The following DNM2 variants were observed in gnomAD, a reference collection of about 807,000 sequenced individuals.
DNM2 encodes the protein dynamin-2.
In DNM2, 15 loss-of-function variants were observed where a neutral mutation model predicts 99.0. The ratio of observed to expected loss-of-function variants is 0.15; its 90% confidence interval spans 0.10 to 0.23. The LOEUF (loss-of-function observed/expected upper bound fraction) is 0.23. DNM2 is among the 10% of genes least tolerant of loss of function. The pLI, the probability that DNM2 is intolerant of heterozygous loss-of-function variation, is 1.00. For missense variants in DNM2, 742 were observed against 1,189.4 expected (o/e 0.62, Z 5.53); for synonymous variants, 525 against 481.2 (o/e 1.09, Z -1.19).
At chr19:10,828,602 CAAAA>C (rs975091540) in intron 18 of DNM2, among the ~76,000 whole-genome samples, 3 of 147,152 alleles carry the variant, frequency 2.0e-5, no homozygotes, top group Non-Finnish European at 3.0e-5. Flanking sequence ...AAAGCAAAAA[CAAAA>C]AAGATATAAC....
At chr19:10,751,403 C>A (rs2070188691) in intron 1 of DNM2, among the ~76,000 whole-genome samples, 1 of 152,084 alleles carries the variant, frequency 6.6e-6, no homozygotes, top group Admixed American at 6.6e-5. Context: ...CGGATGGGAT[C>A]AACGAGGAGG....
rs568469843 is a variant in DNM2 at position 10,785,244 on chromosome 19, A to G, written c.850-1320A>G. Among the ~76,000 whole-genome samples the G allele has an allele frequency of 2.2e-3, 335 of 151,424 alleles. 3 individuals carry two copies. Among genetic ancestry groups the G allele is most frequent in the Middle Eastern group, 6.8e-3 (2 of 292 alleles). Reference sequence around the variant, plus strand: ...ACCATTCTCCTGCCTCAGCCTCCCGAGTAGCTGGGACTATAGGCACCCATC... The same window carrying G: ...ACCATTCTCCTGCCTCAGCCTCCCGGGTAGCTGGGACTATAGGCACCCATC... On this transcript the variant is annotated intron_variant, in intron 6 of 20. Coordinates refer to ENST00000389253, the MANE Select transcript of DNM2 (RefSeq NM_001005361.3).
chr19:10,775,615 A>C lies in DNM2; in HGVS notation c.386-88A>C, dbSNP rs985087814. The C allele has an allele frequency of 4.1e-6, 6 of 1,466,788 alleles. No individual in the cohort carries two copies. The highest frequency in any genetic ancestry group is 3.4e-5 in the South Asian group (3 of 87,580). The allele number at this position is 1,466,788 out of a possible 1,614,324, so 90.9% of individuals were successfully genotyped here. On this transcript the variant is annotated intron_variant, in intron 3 of 20. Transcript: ENST00000389253. The surrounding 1 kb of genome is among the most constrained non-coding windows in gnomAD (Gnocchi z 4.3). ...CCTCAAGTCTGAGCCCCGCGCAGGAACTTTGGTAGTCAGCTGGGTGGCTGC... is the reference window on the plus strand; with the variant it reads ...CCTCAAGTCTGAGCCCCGCGCAGGACCTTTGGTAGTCAGCTGGGTGGCTGC...
At chr19:10,823,962 C>A in intron 17 of DNM2, 63 bp downstream of exon 17, 1 of 1,543,344 alleles carries the variant, frequency 6.5e-7, no homozygotes, top group Non-Finnish European at 8.9e-7. Flanking sequence ...GCAGGGCTGG[C>A]TTTCCCCAGG....
chr19:10,750,759 C>T (rs780976633), intron 1 of DNM2, among the ~76,000 whole-genome samples: 1 of 151,996 alleles, frequency 6.6e-6, no homozygotes. Flanking sequence ...GGCAAAACCC[C>T]ATCTCTACTA....
chr19:10,732,322 G>A lies in DNM2; in HGVS notation c.161+13919G>A, dbSNP rs531949359. Among the ~76,000 whole-genome samples, 941 of 147,842 alleles carry A rather than the reference G, an allele frequency of 6.4e-3. 4 individuals carry two copies. Among genetic ancestry groups the A allele is most frequent in the Non-Finnish European group, 0.01 (669 of 66,672 alleles). On this transcript the variant is annotated intron_variant, in intron 1 of 20. Transcript: ENST00000389253. ...GAGAAAAAAAAAAAAAAAAAAACAGGCCGGGCGGTGGCTCATGCCTGTAAT... is the reference window on the plus strand; with the variant it reads ...GAGAAAAAAAAAAAAAAAAAAACAGACCGGGCGGTGGCTCATGCCTGTAAT...
intron 1 of DNM2, among the ~76,000 whole-genome samples, chr19:10,746,935 C>T (rs2070008235): frequency 6.6e-6 from 1 of 151,814 alleles, no homozygotes; most frequent in South Asian, 2.1e-4. Context: ...CGGAGTTTCT[C>T]CATGTTGGCC....
chr19:10,829,032 G>A lies in DNM2; in HGVS notation c.2059-4G>A, dbSNP rs755212019. 8.1e-6 allele frequency: 13 copies of A among 1,611,776 alleles called. No homozygotes were observed. Among genetic ancestry groups the A allele is most frequent in the Admixed American group, 3.3e-5 (2 of 59,850 alleles). On this transcript the variant is annotated splice_region_variant and splice_polypyrimidine_tract_variant and intron_variant, in intron 18 of 20. Transcript: ENST00000389253. ...GCCTGACCCTCCCCAACCCCTGCCC[G>A]CAGACGAAGGCCTTCATCCACCACG...
At chr19:10,747,356 G>C (rs2070026234) in intron 1 of DNM2, among the ~76,000 whole-genome samples, 2 of 152,218 alleles carry the variant, frequency 1.3e-5, no homozygotes. Context: ...ATTCCAGCCA[G>C]GGCCTGGAGA....
intron 12 of DNM2, among the ~76,000 whole-genome samples, chr19:10,805,497 T>A (rs945650793): frequency 1.1e-4 from 17 of 152,260 alleles, no homozygotes; most frequent in African/African-American, 3.8e-4. Flanking sequence ...TAGCTGAGCA[T>A]GGTGGTATGC....
At chr19:10,829,637 G>A (rs1373854413) in intron 19 of DNM2, among the ~76,000 whole-genome samples, 3 of 152,212 alleles carry the variant, frequency 2.0e-5, no homozygotes, top group Admixed American at 1.3e-4. Flanking sequence ...AGGGGCAAAC[G>A]CAAGGCGTGG....
At chr19:10,825,692 G>A (rs545937844) in intron 18 of DNM2, among the ~76,000 whole-genome samples, 60 of 148,132 alleles carry the variant, frequency 4.1e-4, no homozygotes, top group Non-Finnish European at 6.0e-4. Flanking sequence ...GAGAGAGAGA[G>A]AAAAATACAA....
intron 1 of DNM2, among the ~76,000 whole-genome samples, chr19:10,758,451 C>CTCCT: frequency 3.1e-5 from 2 of 64,300 alleles, no homozygotes; most frequent in African/African-American, 6.8e-5. Flanking sequence ...CCTTCCTTCC[C>CTCCT]TCCCTCCTTC....
At chr19:10,782,377 T>TCTCTTTTTTTTA (rs59660300) in intron 5 of DNM2, among the ~76,000 whole-genome samples, 3 of 151,554 alleles carry the variant, frequency 2.0e-5, no homozygotes, top group East Asian at 1.9e-4. Flanking sequence ...TCTTTCTTTT[T>TCTCTTTTTTTTA]ATTCAGAGTC....
chr19:10,809,213 A>T (rs1457453431), intron 14 of DNM2: 1 of 152,220 alleles, frequency 6.6e-6, no homozygotes, highest in Non-Finnish European at 1.5e-5. Flanking sequence ...TCCCTATATG[A>T]TACCCTCTTC....
At chr19:10,825,466 C>T (rs1005628951) in intron 18 of DNM2, among the ~76,000 whole-genome samples, 3 of 152,122 alleles carry the variant, frequency 2.0e-5, no homozygotes, top group Admixed American at 6.6e-5. Flanking sequence ...CTAAGGAGTT[C>T]GAGACTAGAC....
At position 10,831,118 on chromosome 19, in the gene DNM2, C is replaced by T; in HGVS notation, c.*71C>T. On this transcript the variant is annotated 3_prime_UTR_variant, in exon 21 of 21. Transcript: ENST00000389253. This position sits in a 1 kb window ranked among gnomAD's most constrained non-coding sequence, Gnocchi z 4.3. ...CGCAGGAGCTTCAGTGGTCTGGGGC[C>T]CTCCGCCGCCCCTATGCTGGGACCA... is the stretch of plus-strand genomic sequence containing the variant. 3 of 1,512,312 alleles carry T rather than the reference C, an allele frequency of 2.0e-6. No individual in the cohort carries two copies. Among genetic ancestry groups the T allele is most frequent in the Non-Finnish European group, 2.7e-6 (3 of 1,130,058 alleles). The allele number at this position is 1,512,312 out of a possible 1,614,324, so 93.7% of individuals were successfully genotyped here.
intron 2 of DNM2, among the ~76,000 whole-genome samples, chr19:10,766,867 C>A (rs923930932): frequency 8.5e-5 from 13 of 152,226 alleles, no homozygotes; most frequent in African/African-American, 3.1e-4. Flanking sequence ...CCTCAGAGTC[C>A]CCAGGGCCTG....
At chr19:10,754,522 A>ATT (rs2070317913) in intron 1 of DNM2, among the ~76,000 whole-genome samples, 1 of 152,086 alleles carries the variant, frequency 6.6e-6, no homozygotes, top group Admixed American at 6.6e-5. Context: ...AAGTGCTGGG[A>ATT]TTATAGGCGT....
Sources: allele counts gnomAD v4.1 joint callset (sites outside exome capture counted in the v4.1 genomes callset), GRCh38; gene constraint gnomAD v4.1.1; non-coding constraint Gnocchi (gnomAD v3.1); transcripts MANE v1.5; gene names NCBI Gene and HGNC (gene_info 2026-07-23, HGNC 2026-07-21).